Variants in CACNA2D4 observed in about 807,000 individuals in gnomAD.
CACNA2D4 encodes calcium voltage-gated channel auxiliary subunit alpha2delta 4, also known as voltage-dependent calcium channel subunit alpha-2/delta-4.
Under a neutral mutation model 163.8 loss-of-function variants are expected in CACNA2D4, and 157 were observed. The observed-to-expected ratio is 0.96, with a 90% CI of 0.84 to 1.09. CACNA2D4 has a LOEUF of 1.09. CACNA2D4 is among the 50% of genes least tolerant of loss of function. The pLI is 0.00. For synonymous variants in CACNA2D4, 598 were observed against 586.9 expected (o/e 1.02, Z -0.27); for missense variants, 1,410 against 1,479.9 (o/e 0.95, Z 0.78).
intron 20 of CACNA2D4, 60 bp from the exon 21 acceptor site, chr12:1,856,289 C>A: frequency 6.3e-7 from 1 of 1,580,336 alleles, no homozygotes; most frequent in Non-Finnish European, 8.7e-7. Context: ...GTGTGTGTCT[C>A]AATTGTAGAA....
intron 29 of CACNA2D4, among the ~76,000 whole-genome samples, chr12:1,808,264 G>T (rs1863604525): frequency 6.6e-6 from 1 of 152,198 alleles, no homozygotes; most frequent in Non-Finnish European, 1.5e-5. Context: ...TCTGGAGCAG[G>T]GGCTGGAAAC....
At chr12:1,819,955 A>G (rs1295950606) in intron 26 of CACNA2D4, among the ~76,000 whole-genome samples, 2 of 152,182 alleles carry the variant, frequency 1.3e-5, no homozygotes, top group African/African-American at 2.4e-5. Flanking sequence ...CTGCATGACC[A>G]TGTGATCCCT....
chr12:1,850,115 G>A (rs1408899839), intron 23 of CACNA2D4, among the ~76,000 whole-genome samples: 2 of 152,196 alleles, frequency 1.3e-5, no homozygotes, highest in African/African-American at 4.8e-5. Context: ...GGGTCAAAGT[G>A]TAAATGTACA....
At chr12:1,861,826 C>T (rs1453913546) in intron 18 of CACNA2D4, among the ~76,000 whole-genome samples, 1 of 152,108 alleles carries the variant, frequency 6.6e-6, no homozygotes, top group Admixed American at 6.5e-5. Context: ...TGTATCCAGC[C>T]CTGTGATTAC....
chr12:1,884,450 C>G, intron 11 of CACNA2D4, 129 bp from the exon 12 acceptor site: 1 of 753,910 alleles, frequency 1.3e-6, no homozygotes, highest in Admixed American at 2.1e-5. Flanking sequence ...ATTTCACCCC[C>G]TGAGGCCCAG....
At chr12:1,867,806 T>C (rs1297798115) in intron 18 of CACNA2D4, among the ~76,000 whole-genome samples, 2 of 151,932 alleles carry the variant, frequency 1.3e-5, no homozygotes, top group Non-Finnish European at 2.9e-5. Flanking sequence ...GATTTAAATA[T>C]GGACCTGAAT....
At chr12:1,884,949 C>G in intron 10 of CACNA2D4, 38 bp downstream of exon 10, 1 of 1,604,208 alleles carries the variant, frequency 6.2e-7, no homozygotes, top group Non-Finnish European at 8.5e-7. Context: ...CCGCCTTCCT[C>G]CCAGTCCTCC....
chr12:1,847,078 T>A (rs527687699), intron 23 of CACNA2D4, among the ~76,000 whole-genome samples: 2 of 152,346 alleles, frequency 1.3e-5, no homozygotes, highest in African/African-American at 4.8e-5. Context: ...AGGCACCTCC[T>A]GGTCTTACAG....
chr12:1,821,112 A>T (rs891246063), intron 26 of CACNA2D4, among the ~76,000 whole-genome samples: 3 of 152,298 alleles, frequency 2.0e-5, no homozygotes, highest in Middle Eastern at 6.8e-3. Flanking sequence ...GGTGGCATAG[A>T]AACCGGTCCC....
Position 1,886,305 on chromosome 12 carries a change from C to T in CACNA2D4, c.911G>A (p.Gly304Glu), listed in dbSNP as rs374471043. ...ILVDVSGSMK[G>E]LRMTIAKHTI... ...GTGCTTGGCAATAGTCATCCTCAGC[C>T]CCTTCATACTGCCGCTCACGTCCAC... is the stretch of plus-strand genomic sequence containing the variant. Residue 304 changes from glycine (G) to glutamate (E), a missense_variant, in exon 8 of 38, where the codon GGG (glycine) becomes GAG (glutamate). Transcript: ENST00000382722. The T allele has an allele frequency of 5.6e-6, 9 of 1,613,586 alleles. No individual in the cohort carries two copies. In the African/African-American group the frequency reaches 1.2e-4, roughly 22 times the overall value.
intron 20 of CACNA2D4, among the ~76,000 whole-genome samples, 166 bp downstream of exon 20, chr12:1,858,410 CA>C (rs1227589115): frequency 1.3e-5 from 2 of 152,174 alleles, no homozygotes; most frequent in Admixed American, 1.3e-4. Context: ...GAGCCAGGGA[CA>C]CACACGCCCC....
chr12:1,903,064 A>G lies in CACNA2D4; in HGVS notation c.781+4376T>C, dbSNP rs188254300. Among the ~76,000 whole-genome samples, 222 of 152,272 alleles carry G rather than the reference A, an allele frequency of 1.5e-3. 2 individuals are homozygous for G. Among genetic ancestry groups the G allele is most frequent in the South Asian group, 5.4e-3 (26 of 4,826 alleles). On this transcript the variant is annotated intron_variant, in intron 6 of 37. Transcript: ENST00000382722. Reference sequence around the variant, plus strand: ...AGAGAGTGCAGAAATGAATCCATACATCTACAGTGAACTCATTTTCTACAA... The same window carrying G: ...AGAGAGTGCAGAAATGAATCCATACGTCTACAGTGAACTCATTTTCTACAA...
chr12:1,852,086 T>C (rs1301541706), intron 23 of CACNA2D4, among the ~76,000 whole-genome samples: 1 of 152,216 alleles, frequency 6.6e-6, no homozygotes, highest in South Asian at 2.1e-4. Context: ...TAACCTGCTA[T>C]TTTACTAAAT....
rs1865849223 is a variant in CACNA2D4, at chr12:1,874,690, A to T, written c.1807-15T>A. 2.5e-6 allele frequency: 4 copies of T among 1,590,040 alleles called. No homozygotes were observed. Among genetic ancestry groups the T allele is most frequent in the East Asian group, 2.2e-5 (1 of 44,778 alleles). ...GCTGTTCTCAGCTTCAGGAGGAAAG[A>T]CAATGGCATTAGTTCCTTGGCTCAC... On this transcript the variant is annotated splice_polypyrimidine_tract_variant and intron_variant, in intron 17 of 37. Transcript: ENST00000382722. The surrounding 1 kb of genome is among the most constrained non-coding windows in gnomAD (Gnocchi z 4.4).
chr12:1,851,226 T>C (rs951203122), intron 23 of CACNA2D4, among the ~76,000 whole-genome samples: 1 of 152,238 alleles, frequency 6.6e-6, no homozygotes, highest in East Asian at 1.9e-4. Flanking sequence ...GTCATTCCTT[T>C]ATTGCTTCTG....
rs1011019851 is a variant in CACNA2D4 at position 1,896,260 on chromosome 12, T to C, written c.782-9191A>G. ...TGGGACTCTATTAAGCTAAAAAGCT[T>C]CTGCACAGCAAAGGAAACAATCTAA... On this transcript the variant is annotated intron_variant, in intron 6 of 37. Transcript: ENST00000382722. Among the ~76,000 whole-genome samples the C allele has an allele frequency of 5.9e-5, 9 of 152,268 alleles. No individual in the cohort carries two copies. The East Asian group carries it at 1.7e-3, about 29-fold the overall frequency.
At chr12:1,890,274 C>T (rs183231606) in intron 6 of CACNA2D4, among the ~76,000 whole-genome samples, 5 of 152,286 alleles carry the variant, frequency 3.3e-5, no homozygotes, top group Admixed American at 6.5e-5. Context: ...CAGCACAGCA[C>T]GATATCAAGA....
intron 16 of CACNA2D4, among the ~76,000 whole-genome samples, chr12:1,877,159 T>G (rs1865900729): frequency 6.6e-6 from 1 of 152,262 alleles, no homozygotes; most frequent in South Asian, 2.1e-4. Flanking sequence ...GTTTATAGCA[T>G]TCTTCACTGC....
chr12:1,876,967 A>G (rs1865895670), intron 16 of CACNA2D4, among the ~76,000 whole-genome samples: 1 of 152,190 alleles, frequency 6.6e-6, no homozygotes, highest in Non-Finnish European at 1.5e-5. Flanking sequence ...ATTACTGGGC[A>G]TATCCTCGTT....
Sources: allele counts gnomAD v4.1 joint callset (sites outside exome capture counted in the v4.1 genomes callset), GRCh38; gene constraint gnomAD v4.1.1; non-coding constraint Gnocchi (gnomAD v3.1); transcripts MANE v1.5; gene names NCBI Gene and HGNC (gene_info 2026-07-23, HGNC 2026-07-21).